TRPT1: variants seen among roughly 807,000 people sequenced by gnomAD.
TRPT1 encodes the protein tRNA 2'-phosphotransferase 1.
A neutral mutation model predicts 28.4 loss-of-function variants in TRPT1; 22 were observed. The ratio of observed to expected loss-of-function variants is 0.78; its 90% confidence interval spans 0.55 to 1.11. The LOEUF (loss-of-function observed/expected upper bound fraction) is 1.11. Among genes scored for constraint, TRPT1 ranks in the 50% least tolerant of loss-of-function variants. TRPT1 has a pLI of 0.00. For missense variants in TRPT1, 308 were observed against 317.7 expected, an observed-to-expected ratio of 0.97 and a Z score of 0.23; for synonymous variants, 137 against 132.4, an observed-to-expected ratio of 1.03 and a Z score of -0.24.
At chr11:64,225,742 A>G in intron 2 of TRPT1, 44 bp downstream of exon 2, 1 of 1,475,618 alleles carries the variant, frequency 6.8e-7, no homozygotes, top group East Asian at 2.5e-5. Context: ...AGCAACTCCC[A>G]GGGAGCCTGG....
Position 64,224,279 on chromosome 11 carries a change from ACT to A in TRPT1, c.559+4_559+5del, listed in dbSNP as rs1565302263. On this transcript the variant is annotated splice_donor_5th_base_variant and intron_variant, in intron 6 of 7. Transcript: ENST00000317459. ...CAAGGGCAGCTCCTGCTTTGTCCAG[ACT>A]CACCTGCCAGAGCCAGGGGTCCATC... 6.2e-7 allele frequency: 1 copy of A among 1,613,794 alleles called. No individual in the cohort carries two copies. Among genetic ancestry groups the A allele is most frequent in the Admixed American group, 1.7e-5 (1 of 60,002 alleles).
rs1946850738 is a variant in TRPT1 at position 64,224,554 on chromosome 11, C to T, written c.491G>A (p.Gly164Asp). The T allele has an allele frequency of 4.5e-6, 7 of 1,567,442 alleles. No homozygotes were observed. Among genetic ancestry groups the T allele is most frequent in the South Asian group, 1.2e-5 (1 of 82,980 alleles). The change falls in exon 5 of 8, where the codon GGT becomes GAT. Residue 164 changes from glycine to aspartate, a missense_variant. Coordinates refer to ENST00000317459, the MANE Select transcript of TRPT1 (RefSeq NM_001033678.4). ...HLAPGLPGDP[G>D]IISGMRSHCE... ...GGGAGGGCACTGACCACTGATGATA[C>T]CGGGGTCTCCAGGCAGTCCTGGGGC...
Position 64,225,848 on chromosome 11 carries a change from C to G in TRPT1, c.13G>C (p.Gly5Arg), listed in dbSNP as rs1174598921. The G allele has an allele frequency of 1.9e-6, 3 of 1,555,132 alleles. No homozygotes were observed. Among genetic ancestry groups the G allele is most frequent in the African/African-American group, 2.7e-5 (2 of 73,778 alleles). ...CCTGCTGCTTCCTGCCTCCCTCCTC[C>G]AGAGAAGTTCATGGTTAAGACCTGT... MNFS[G>R]GGRQEAAGSR... is the part of the protein sequence containing the mutation. The change falls in exon 2 of 8, where the codon GGA becomes CGA. Residue 5 changes from glycine to arginine, a missense_variant. Transcript: ENST00000317459.
rs758753167 is a variant in TRPT1, at chr11:64,224,795, C to T, written c.327+6G>A. 2 of 1,613,530 alleles carry T rather than the reference C, an allele frequency of 1.2e-6. No individual in the cohort carries two copies. Among genetic ancestry groups the T allele is most frequent in the Non-Finnish European group, 1.7e-6 (2 of 1,179,718 alleles). On this transcript the variant is annotated splice_donor_region_variant and intron_variant, in intron 4 of 7. Transcript: ENST00000317459. Reference sequence around the variant, plus strand: ...TCTCGTCTCGCACTTGTCCCCTCACCCCGACCTGCAGGGAATGGCCCTGGT... The same window carrying T: ...TCTCGTCTCGCACTTGTCCCCTCACTCCGACCTGCAGGGAATGGCCCTGGT...
intron 3 of TRPT1, 46 bp downstream of exon 3, chr11:64,225,453 C>T: frequency 3.9e-6 from 6 of 1,542,138 alleles, no homozygotes; most frequent in Non-Finnish European, 5.3e-6. Context: ...GACAGGCTCA[C>T]GTTTCTCTCT....
In TRPT1 at chr11:64,224,344, G is replaced by A. The variant is rs775735807; in HGVS notation, c.503-3C>T. ...TATTTCACAATGGGACCGCATGCCTGCAGAGACAGCTGGAGCTGAGGCCTG... is the reference window on the plus strand; with the variant it reads ...TATTTCACAATGGGACCGCATGCCTACAGAGACAGCTGGAGCTGAGGCCTG... On this transcript the variant is annotated splice_region_variant and splice_polypyrimidine_tract_variant and intron_variant, in intron 5 of 7. Transcript: ENST00000317459. 13 of 1,613,622 alleles carry A rather than the reference G, an allele frequency of 8.1e-6. No homozygotes were observed. Among genetic ancestry groups the A allele is most frequent in the Non-Finnish European group, 1.1e-5 (13 of 1,180,008 alleles).
In TRPT1 at chr11:64,223,960, G is replaced by A; in HGVS notation, c.678C>T (p.Pro226=). Reference sequence around the variant, plus strand: ...TCTCTTCATCACCAGCCAAGGAAAGGGGCTTTCCTGATAAAGACAAGAGTT... The same window carrying A: ...TCTCTTCATCACCAGCCAAGGAAAGAGGCTTTCCTGATAAAGACAAGAGTT... The part of the protein sequence containing the change: ...EALQLRPTRK[P]LSLAGDEETE... The change falls in exon 8 of 8, where the codon CCC becomes CCT. Residue 226 remains proline, a synonymous_variant. Transcript: ENST00000317459. 6.2e-7 allele frequency: 1 copy of A among 1,613,342 alleles called. No homozygotes were observed. Among genetic ancestry groups the A allele is most frequent in the African/African-American group, 1.3e-5 (1 of 75,020 alleles).
intron 3 of TRPT1, 68 bp downstream of exon 3, chr11:64,225,431 G>C: frequency 1.5e-6 from 2 of 1,367,198 alleles, no homozygotes; most frequent in Non-Finnish European, 2.1e-6. Context: ...CAGCCATCAG[G>C]GAGGAGTCGC....
chr11:64,224,906 A>G lies in TRPT1; in HGVS notation c.222T>C (p.Asp74=), dbSNP rs746318747. 5.0e-6 allele frequency: 8 copies of G among 1,601,906 alleles called. No individual in the cohort carries two copies. Among genetic ancestry groups the G allele is most frequent in the Non-Finnish European group, 3.4e-6 (4 of 1,174,870 alleles). Residue 74 remains aspartate, a synonymous_variant, in exon 4 of 8, where the codon GAT becomes GAC. Transcript: ENST00000317459. The stretch of plus-strand genomic sequence containing the variant: ...TATTGGTGTCCACCACGCGCTGCAC[A>G]TCTTCAGCAGAGAAGCCGCGGAACT... ...LPQFRGFSAE[D]VQRVVDTNRK...
chr11:64,224,450 A>G, intron 5 of TRPT1, 93 bp downstream of exon 5: 1 of 1,592,432 alleles, frequency 6.3e-7, no homozygotes, highest in South Asian at 1.1e-5. Flanking sequence ...CATGCCGGAC[A>G]TGGGGTGGCC....
At position 64,224,360 on chromosome 11, in the gene TRPT1, C is replaced by T. The variant is rs762392788; in HGVS notation, c.503-19G>A. On this transcript the variant is annotated intron_variant, in intron 5 of 7. Coordinates refer to ENST00000317459, the MANE Select transcript of TRPT1 (RefSeq NM_001033678.4). Reference sequence around the variant, plus strand: ...CGCATGCCTGCAGAGACAGCTGGAGCTGAGGCCTGGGCACCTGGAGTGCAG... The same window carrying T: ...CGCATGCCTGCAGAGACAGCTGGAGTTGAGGCCTGGGCACCTGGAGTGCAG... 1 of 1,613,314 alleles carries T rather than the reference C, an allele frequency of 6.2e-7. No homozygotes were observed. Among genetic ancestry groups the T allele is most frequent in the South Asian group, 1.1e-5 (1 of 91,086 alleles).
At position 64,224,897 on chromosome 11, in the gene TRPT1, G is replaced by A. The variant is rs551650456; in HGVS notation, c.231C>T (p.Arg77=). ...GCTGCTTCCTATTGGTGTCCACCAC[G>A]CGCTGCACATCTTCAGCAGAGAAGC... ...FRGFSAEDVQ[R]VVDTNRKQRF... is the part of the protein sequence containing the mutation. Residue 77 remains arginine (R), a synonymous_variant, in exon 4 of 8, where the codon CGC becomes CGT. Coordinates refer to ENST00000317459, the MANE Select transcript of TRPT1 (RefSeq NM_001033678.4). 6 of 1,606,238 alleles carry A rather than the reference G, an allele frequency of 3.7e-6. No individual in the cohort carries two copies. The highest frequency in any genetic ancestry group is 3.3e-5 in the South Asian group (3 of 89,884).
Position 64,225,542 on chromosome 11 carries a change from G to C in TRPT1, c.114C>G (p.Ala38=). 1.2e-6 allele frequency: 2 copies of C among 1,613,010 alleles called. No individual in the cohort carries two copies. The highest frequency in any genetic ancestry group is 1.7e-6 in the Non-Finnish European group (2 of 1,179,716). ...DVQLSKALSY[A]LRHGALKLGL... ...CCAGCTTCAAGGCCCCATGGCGCAG[G>C]GCATAGGACAGAGCCTTGGACAGCT... is the stretch of plus-strand genomic sequence containing the variant. Residue 38 remains alanine, a synonymous_variant, in exon 3 of 8, where the codon GCC becomes GCG. Coordinates refer to ENST00000317459, the MANE Select transcript of TRPT1 (RefSeq NM_001033678.4).
Position 64,224,952 on chromosome 11 carries a change from C to T in TRPT1, c.176G>A (p.Gly59Asp), listed in dbSNP as rs760406732. ...GAACTGGGGCAACTGCAGGAGGGTG[C>T]CCAGGGGCACGAAGCCATCTGTGGG... ...PMGADGFVPLGTLLQLPQFRG... is the reference protein window; with the variant it reads ...PMGADGFVPLDTLLQLPQFRG... The change falls in exon 4 of 8, where the codon GGC (glycine) becomes GAC (aspartate). Residue 59 changes from glycine (G) to aspartate (D), a missense_variant. Transcript: ENST00000317459. 1 of 1,563,172 alleles carries T rather than the reference C, an allele frequency of 6.4e-7. No individual in the cohort carries two copies. The highest frequency in any genetic ancestry group is 1.2e-5 in the South Asian group (1 of 85,638).
chr11:64,224,761 T>C (rs766952824), intron 4 of TRPT1, 40 bp downstream of exon 4: 1 of 1,607,388 alleles, frequency 6.2e-7, no homozygotes, highest in Non-Finnish European at 8.5e-7. Flanking sequence ...CAGGCAGGGG[T>C]CCCTCCCATC....
intron 3 of TRPT1, 124 bp downstream of exon 3, chr11:64,225,375 A>G: frequency 1.3e-6 from 1 of 758,318 alleles, no homozygotes; most frequent in Non-Finnish European, 2.2e-6. Context: ...TCCTCTGTGC[A>G]TGGGGAGGAA....
chr11:64,225,467 C>G, intron 3 of TRPT1, 32 bp downstream of exon 3: 1 of 1,587,754 alleles, frequency 6.3e-7, no homozygotes, highest in Non-Finnish European at 8.6e-7. Context: ...TCTCTCTGGG[C>G]TCAAGCCCCA....
chr11:64,225,812 T>C lies in TRPT1; in HGVS notation c.49A>G (p.Arg17Gly). The change falls in exon 2 of 8, where the codon AGA becomes GGA. Residue 17 changes from arginine (R) to glycine (G), a missense_variant. Coordinates refer to ENST00000317459, the MANE Select transcript of TRPT1 (RefSeq NM_001033678.4). The stretch of plus-strand genomic sequence containing the variant: ...TGTTCTCGGGGTCTGGGAGCCCTTC[T>C]ACCCCTGGACCCTGCTGCTTCCTGC... ...GRQEAAGSRG[R>G]RAPRPREQDR... 6.4e-7 allele frequency: 1 copy of C among 1,554,634 alleles called. No individual in the cohort carries two copies. Among genetic ancestry groups the C allele is most frequent in the Non-Finnish European group, 8.7e-7 (1 of 1,148,494 alleles).
Position 64,223,834 on chromosome 11 carries a change from T to G in TRPT1, c.*42A>C. 1.5e-6 allele frequency: 2 copies of G among 1,355,596 alleles called. No individual in the cohort carries two copies. Among genetic ancestry groups the G allele is most frequent in the Non-Finnish European group, 2.0e-6 (2 of 987,278 alleles). 84.0% of individuals were successfully genotyped at this position (1,355,596 alleles called of 1,614,324 possible). On this transcript the variant is annotated 3_prime_UTR_variant, in exon 8 of 8. Coordinates refer to ENST00000317459, the MANE Select transcript of TRPT1 (RefSeq NM_001033678.4). ...TGAAACATGGTTTCAAACGAGTTCT[T>G]TCTTGTTACTTTTTAAAATTTCTTT...
Sources: gnomAD v4.1 joint callset for allele counts on GRCh38, gnomAD v4.1.1 for gene constraint, MANE v1.5 for transcripts, NCBI Gene and HGNC (gene_info 2026-07-23, HGNC 2026-07-21) for gene names.